The following LRBA variants were observed in gnomAD, a reference collection of about 807,000 sequenced individuals.
The protein encoded by LRBA is LPS responsive beige-like anchor protein.
In LRBA, 176 loss-of-function variants were observed where a neutral mutation model predicts 330.0. The ratio of observed to expected loss-of-function variants is 0.53; its 90% confidence interval spans 0.47 to 0.60. LRBA has a LOEUF of 0.60. Among genes scored for constraint, LRBA ranks in the 20% least tolerant of loss-of-function variants. LRBA has a pLI of 0.00. For synonymous variants in LRBA, 1,230 were observed against 1,193.0 expected (o/e 1.03, Z -0.64); for missense variants, 3,259 against 3,444.8 (o/e 0.95, Z 1.35).
At chr4:150,326,042 A>C in intron 48 of LRBA, 144 bp from the exon 49 acceptor site, 1 of 635,584 alleles carries the variant, frequency 1.6e-6, no homozygotes, top group East Asian at 2.7e-5. Context: ...GGGGCTAACC[A>C]CCTGGCAAGG....
intron 2 of LRBA, among the ~76,000 whole-genome samples, chr4:150,952,695 T>G (rs1200525923): frequency 6.6e-6 from 1 of 152,140 alleles, no homozygotes; most frequent in African/African-American, 2.4e-5. Flanking sequence ...CCTATCTCTC[T>G]CTGGTTCTTG....
intron 47 of LRBA, among the ~76,000 whole-genome samples, chr4:150,362,020 C>T (rs1581115302): frequency 6.6e-6 from 1 of 152,152 alleles, no homozygotes; most frequent in Non-Finnish European, 1.5e-5. Context: ...GATCTGCCCG[C>T]CTCGGCCTCC....
Position 150,423,185 on chromosome 4 carries a change from T to C in LRBA, c.7042-7595A>G, listed in dbSNP as rs1020583719. 29 of 1,373,604 alleles carry C rather than the reference T, an allele frequency of 2.1e-5. No homozygotes were observed. In the African/African-American group the frequency reaches 3.9e-4, roughly 19 times the overall value. 85.1% of individuals were successfully genotyped at this position (1,373,604 alleles called of 1,614,324 possible). A position where few individuals can be genotyped will look rare whatever the true frequency, so the allele number is the denominator to read the frequency against. Reference sequence around the variant, plus strand: ...GCAGGGTCCCTCCGGTCCCCCTTCTTGTTGGCTTTCTTGGCTCTGGAGAAG... The same window carrying C: ...GCAGGGTCCCTCCGGTCCCCCTTCTCGTTGGCTTTCTTGGCTCTGGAGAAG... On this transcript the variant is annotated intron_variant, in intron 46 of 56. Transcript: ENST00000651943.
intron 47 of LRBA, among the ~76,000 whole-genome samples, chr4:150,401,051 T>A (rs562576193): frequency 4.3e-4 from 66 of 152,310 alleles, no homozygotes; most frequent in Admixed American, 1.4e-3. Context: ...CCAATATGAC[T>A]GGTGTCTTTA....
intron 34 of LRBA, among the ~76,000 whole-genome samples, chr4:150,763,807 AG>A (rs1735406732): frequency 6.6e-6 from 1 of 152,138 alleles, no homozygotes; most frequent in Admixed American, 6.6e-5. Flanking sequence ...GACCTCAGCT[AG>A]GAAGATTCAA....
At chr4:150,660,646 A>G (rs1229215796) in intron 37 of LRBA, among the ~76,000 whole-genome samples, 541 of 139,048 alleles carry the variant, frequency 3.9e-3, no homozygotes, top group Middle Eastern at 7.2e-3. Context: ...GGCGGGGAAA[A>G]GATTGAGAAA....
intron 42 of LRBA, among the ~76,000 whole-genome samples, chr4:150,480,552 C>T (rs1757187511): frequency 6.6e-6 from 1 of 152,002 alleles, no homozygotes. Flanking sequence ...TGCTATAGCA[C>T]ATACTAAAAT....
rs1307425665 is a variant in LRBA at position 150,908,864 on chromosome 4, A to G, written c.1162-7T>C. ...CTTTGAATTTAAATGTACCCTAAGA[A>G]TTAATTAAAAACAGTTAAATAGTAT... On this transcript the variant is annotated splice_region_variant and splice_polypyrimidine_tract_variant and intron_variant, in intron 9 of 56. Transcript: ENST00000651943. 1.9e-6 allele frequency: 3 copies of G among 1,597,908 alleles called. No homozygotes were observed. The highest frequency in any genetic ancestry group is 1.7e-5 in the Admixed American group (1 of 59,222).
At chr4:150,513,877 T>C (rs186491426) in intron 40 of LRBA, among the ~76,000 whole-genome samples, 138 of 152,220 alleles carry the variant, frequency 9.1e-4, no homozygotes, top group Non-Finnish European at 1.3e-3. Flanking sequence ...CATCAGTCCA[T>C]AGCATCTCCA....
intron 30 of LRBA, among the ~76,000 whole-genome samples, chr4:150,825,753 C>A (rs1029346217): frequency 2.0e-5 from 3 of 152,042 alleles, no homozygotes; most frequent in Non-Finnish European, 4.4e-5. Flanking sequence ...CATAATGGGA[C>A]CCATACAAAG....
At chr4:150,528,500 CAAAA>C (rs5862924) in intron 40 of LRBA, among the ~76,000 whole-genome samples, 1 of 135,886 alleles carries the variant, frequency 7.4e-6, no homozygotes. Context: ...GACTTCATCT[CAAAA>C]AAAAAAAAAA....
At chr4:150,331,705 T>C (rs976742121) in intron 48 of LRBA, among the ~76,000 whole-genome samples, 2 of 152,174 alleles carry the variant, frequency 1.3e-5, no homozygotes, top group African/African-American at 4.8e-5. Context: ...GCAGCCTTCA[T>C]ATTTCTTCTA....
At chr4:150,454,878 C>T (rs1275979061) in intron 44 of LRBA, among the ~76,000 whole-genome samples, 2 of 151,942 alleles carry the variant, frequency 1.3e-5, no homozygotes, top group African/African-American at 2.4e-5. Flanking sequence ...ATAATGACCT[C>T]CAGTTCCATC....
intron 37 of LRBA, among the ~76,000 whole-genome samples, chr4:150,599,564 G>A (rs185065845): frequency 1.6e-4 from 24 of 152,220 alleles, no homozygotes; most frequent in East Asian, 7.7e-4. Flanking sequence ...ATCAAAGTCC[G>A]TCCCCCTTCA....
At chr4:150,896,862 G>T (rs1054285692) in intron 15 of LRBA, among the ~76,000 whole-genome samples, 1 of 151,850 alleles carries the variant, frequency 6.6e-6, no homozygotes, top group African/African-American at 2.4e-5. Context: ...AAGTTAAAAT[G>T]TCAAGTACCT....
intron 47 of LRBA, among the ~76,000 whole-genome samples, chr4:150,404,054 AGAAG>A (rs1199114928): frequency 3.4e-4 from 51 of 152,200 alleles, no homozygotes; most frequent in Non-Finnish European, 6.6e-4. Context: ...CACCCAAACC[AGAAG>A]TATTTTGAAT....
chr4:150,579,644 A>G, intron 40 of LRBA: 1 of 456,654 alleles, frequency 2.2e-6, no homozygotes, highest in Non-Finnish European at 4.4e-6. Flanking sequence ...AACTTAGCCG[A>G]GCTTGACAGA....
At chr4:150,821,571 C>T (rs1351066432) in intron 30 of LRBA, among the ~76,000 whole-genome samples, 2 of 152,010 alleles carry the variant, frequency 1.3e-5, no homozygotes, top group Non-Finnish European at 2.9e-5. Flanking sequence ...AATGCCTTCC[C>T]GATCAATAAA....
chr4:150,822,721 C>T (rs1360144589), intron 30 of LRBA, among the ~76,000 whole-genome samples: 1 of 152,104 alleles, frequency 6.6e-6, no homozygotes, highest in Non-Finnish European at 1.5e-5. Flanking sequence ...CACTGCACTC[C>T]AGCCTGGGTG....
Sources: gnomAD v4.1 joint callset for allele counts (sites outside exome capture counted in the v4.1 genomes callset) on GRCh38, gnomAD v4.1.1 for gene constraint, MANE v1.5 for transcripts, NCBI Gene and HGNC (gene_info 2026-07-23, HGNC 2026-07-21) for gene names.